Variants in MSH3 observed in about 807,000 individuals in gnomAD.
The protein encoded by MSH3 is mutS homolog 3.
In MSH3, 106 loss-of-function variants were observed where a neutral mutation model predicts 123.3. The observed-to-expected ratio is 0.86, with a 90% CI of 0.73 to 1.01. The LOEUF is 1.01. Ranked by LOEUF, MSH3 falls within the 50% of genes least tolerant of loss-of-function variation. The pLI, the probability that MSH3 is intolerant of heterozygous loss-of-function variation, is 0.00. For missense variants in MSH3, 1,459 were observed against 1,347.6 expected (o/e 1.08, Z -1.29); for synonymous variants, 515 against 481.4 (o/e 1.07, Z -0.91).
chr5:80,764,183 C>A lies in MSH3; in HGVS notation c.1896+2505C>A, dbSNP rs138916614. Among the ~76,000 whole-genome samples the A allele has an allele frequency of 5.4e-3, 824 of 152,304 alleles. 6 individuals are homozygous for A. The highest frequency in any genetic ancestry group is 0.018 in the African/African-American group (767 of 41,562). ...GTGTACACCACATAGTGGGTGATGT[C>A]CTGGGTACAGATTGTGCCAATTATG... is the stretch of plus-strand genomic sequence containing the variant. On this transcript the variant is annotated intron_variant, in intron 13 of 23. Coordinates refer to ENST00000265081, the MANE Select transcript of MSH3 (RefSeq NM_002439.5).
intron 19 of MSH3, among the ~76,000 whole-genome samples, chr5:80,805,356 GTCT>G (rs1252797612): frequency 1.1e-4 from 16 of 152,240 alleles, no homozygotes; most frequent in African/African-American, 3.1e-4. Flanking sequence ...ATACACTTAA[GTCT>G]TCTTAATATT....
chr5:80,682,351 T>C lies in MSH3; in HGVS notation c.1340+3258T>C, dbSNP rs111916757. Among the ~76,000 whole-genome samples, 415 of 152,226 alleles carry C rather than the reference T, an allele frequency of 2.7e-3. 2 individuals carry two copies. The highest frequency in any genetic ancestry group is 9.7e-3 in the African/African-American group (401 of 41,546). ...GTTGTGAGGATTAAATAAGTTAATATAGGTAAAGCGCCTGAAATAGTACCT... is the reference window on the plus strand; with the variant it reads ...GTTGTGAGGATTAAATAAGTTAATACAGGTAAAGCGCCTGAAATAGTACCT... On this transcript the variant is annotated intron_variant, in intron 8 of 23. Transcript: ENST00000265081.
At position 80,675,109 on chromosome 5, in the gene MSH3, A is replaced by G. The variant is rs1362828312; in HGVS notation, c.1154A>G (p.Asn385Ser). The change falls in exon 7 of 24, where the codon AAC (asparagine) becomes AGC (serine). Residue 385 changes from asparagine (N) to serine (S), a missense_variant. Asn to Ser is a conservative substitution (Grantham distance 46, BLOSUM62 1). Transcript: ENST00000265081. ...AATGTTAGGGACAAAAAAAAGGGCA[A>G]CATTTTTATTGGCATTGTGGTAAGT... ...KENVRDKKKG[N>S]IFIGIVGVQP... The G allele has an allele frequency of 1.2e-6, 2 of 1,613,716 alleles. No homozygotes were observed. Among genetic ancestry groups the G allele is most frequent in the Non-Finnish European group, 1.7e-6 (2 of 1,179,888 alleles).
chr5:80,805,947 G>C (rs902269080), intron 19 of MSH3, among the ~76,000 whole-genome samples: 4 of 152,082 alleles, frequency 2.6e-5, no homozygotes, highest in African/African-American at 9.7e-5. Context: ...GAAGGTATCA[G>C]TCCTTCTTTT....
rs759299041 is a variant in MSH3, at chr5:80,679,052, C to T, written c.1299C>T (p.Ser433=). 33 of 1,613,934 alleles carry T rather than the reference C, an allele frequency of 2.0e-5. No individual in the cohort carries two copies. Among genetic ancestry groups the T allele is most frequent in the Non-Finnish European group, 2.7e-5 (32 of 1,179,998 alleles). ...PVELLLPSAL[S]EQTEALIHRA... is the part of the protein sequence containing the mutation. The stretch of plus-strand genomic sequence containing the variant: ...AGCTGCTGCTTCCTTCGGCCTTGTC[C>T]GAGCAAACAGAGGCGCTCATCCACA... The change falls in exon 8 of 24, where the codon TCC becomes TCT. Residue 433 remains serine (S), a synonymous_variant. Coordinates refer to ENST00000265081, the MANE Select transcript of MSH3 (RefSeq NM_002439.5).
chr5:80,830,782 A>C (rs1745403092), intron 20 of MSH3, among the ~76,000 whole-genome samples: 1 of 152,226 alleles, frequency 6.6e-6, no homozygotes, highest in African/African-American at 2.4e-5. Context: ...GCCAGGGAAC[A>C]CTGTCATGTG....
In MSH3 at chr5:80,725,566, G is replaced by T; in HGVS notation, c.1453+1G>T. On this transcript the variant is annotated splice_donor_variant, in intron 9 of 23. Coordinates refer to ENST00000265081, the MANE Select transcript of MSH3 (RefSeq NM_002439.5). LOFTEE classifies it high-confidence loss of function. ...GCAAAAGATACAGTTGACATCAAAG[G>T]TAAATATTTTCCCTGTATGTCCTCA... 6.2e-7 allele frequency: 1 copy of T among 1,603,998 alleles called. No homozygotes were observed. The highest frequency in any genetic ancestry group is 1.1e-5 in the South Asian group (1 of 90,874).
chr5:80,790,911 G>A (rs1469023318), intron 18 of MSH3, among the ~76,000 whole-genome samples: 1 of 152,152 alleles, frequency 6.6e-6, no homozygotes, highest in African/African-American at 2.4e-5. Context: ...CAAAATCTGA[G>A]ATTCTGAATG....
chr5:80,685,201 CTTT>C (rs70991171), intron 8 of MSH3, among the ~76,000 whole-genome samples: 130 of 107,624 alleles, frequency 1.2e-3, no homozygotes, highest in African/African-American at 1.8e-3. Context: ...AAGTATTCTC[CTTT>C]TTTTTTTTTT....
chr5:80,699,954 G>A (rs2112837209), intron 8 of MSH3, among the ~76,000 whole-genome samples: 1 of 152,140 alleles, frequency 6.6e-6, no homozygotes, highest in African/African-American at 2.4e-5. Flanking sequence ...TTTATATTTT[G>A]TCTTCCCCAT....
At chr5:80,674,931 A>T (rs764234846) in intron 6 of MSH3, 52 bp from the exon 7 acceptor site, 4 of 1,363,748 alleles carry the variant, frequency 2.9e-6, no homozygotes, top group Non-Finnish European at 4.1e-6. Context: ...GAAATTTAGC[A>T]TATTAGGATT....
At chr5:80,747,997 C>G (rs1268556806) in intron 12 of MSH3, among the ~76,000 whole-genome samples, 1 of 152,202 alleles carries the variant, frequency 6.6e-6, no homozygotes, top group African/African-American at 2.4e-5. Context: ...AAGTGCCTTA[C>G]TGATCACATC....
intron 22 of MSH3, among the ~76,000 whole-genome samples, chr5:80,869,782 G>GTATACATATATACATA (rs201470242): frequency 7.7e-6 from 1 of 129,226 alleles, no homozygotes; most frequent in African/African-American, 3.0e-5. Flanking sequence ...CTTTATATAT[G>GTATACATATATACATA]TATACATATA....
chr5:80,871,768 G>A (rs530694606), intron 22 of MSH3, among the ~76,000 whole-genome samples: 62 of 152,120 alleles, frequency 4.1e-4, no homozygotes, highest in African/African-American at 1.4e-3. Context: ...CACTTTTGCC[G>A]TATTCTGTTT....
chr5:80,839,680 A>G (rs1561495079), intron 20 of MSH3, among the ~76,000 whole-genome samples: 1 of 152,242 alleles, frequency 6.6e-6, no homozygotes, highest in Non-Finnish European at 1.5e-5. Flanking sequence ...CCTCCTACCC[A>G]GAGATAACTA....
In MSH3 at chr5:80,665,342, G is replaced by A. The variant is rs760604405; in HGVS notation, c.558G>A (p.Ser186=). ...HAKNAVSSED[S]KRQINQKDTT... is the part of the protein sequence containing the mutation. ...AGAATGCAGTTTCTTCTGAAGATTC[G>A]AAACGTCAAATTAATCAAAAGGTAT... is the stretch of plus-strand genomic sequence containing the variant. The change falls in exon 3 of 24, where the codon TCG becomes TCA. Residue 186 remains serine (S), a synonymous_variant. Transcript: ENST00000265081. 4.0e-5 allele frequency: 65 copies of A among 1,612,272 alleles called. No individual in the cohort carries two copies. The East Asian group carries it at 1.3e-3, about 32-fold the overall frequency.
rs749300303 is a variant in MSH3 at position 80,672,323 on chromosome 5, T to G, written c.872T>G (p.Phe291Cys). Residue 291 changes from phenylalanine to cysteine, a missense_variant, in exon 5 of 24, where the codon TTT (phenylalanine) becomes TGT (cysteine). Transcript: ENST00000265081. ...MTASIPTHRLFVHVRRLVAKG... is the reference protein window; with the variant it reads ...MTASIPTHRLCVHVRRLVAKG... ...GCAAGTATACCTACTCACAGACTGT[T>G]TGTTCATGTACGCCGCCTGGTGGCA... is the stretch of plus-strand genomic sequence containing the variant. 6.2e-7 allele frequency: 1 copy of G among 1,613,912 alleles called. No individual in the cohort carries two copies. Among genetic ancestry groups the G allele is most frequent in the African/African-American group, 1.3e-5 (1 of 74,940 alleles).
Position 80,854,254 on chromosome 5 carries a change from G to A in MSH3, c.2938G>A (p.Gly980Arg). 6.2e-7 allele frequency: 1 copy of A among 1,613,972 alleles called. No individual in the cohort carries two copies. Among genetic ancestry groups the A allele is most frequent in the Non-Finnish European group, 8.5e-7 (1 of 1,179,926 alleles). Residue 980 changes from glycine to arginine, a missense_variant, in exon 21 of 24, where the codon GGG (glycine) becomes AGG (arginine). Transcript: ENST00000265081. ...GGTTATCTTGGATGAACTAGGAAGAGGGACGAGCACTCATGATGGAATTGC... is the reference window on the plus strand; with the variant it reads ...GGTTATCTTGGATGAACTAGGAAGAAGGACGAGCACTCATGATGGAATTGC... ...SLVILDELGRGTSTHDGIAIA... is the reference protein window; with the variant it reads ...SLVILDELGRRTSTHDGIAIA...
chr5:80,778,237 TG>T (rs1488103083), intron 16 of MSH3, among the ~76,000 whole-genome samples: 2 of 152,356 alleles, frequency 1.3e-5, no homozygotes, highest in Middle Eastern at 3.4e-3. Flanking sequence ...CTTTCTTAAT[TG>T]CCTCCTGACT....
Sources: allele counts gnomAD v4.1 joint callset (sites outside exome capture counted in the v4.1 genomes callset), GRCh38; gene constraint gnomAD v4.1.1; transcripts MANE v1.5; gene names NCBI Gene and HGNC (gene_info 2026-07-23, HGNC 2026-07-21).